The following PACRG variants were observed in gnomAD, a reference collection of about 807,000 sequenced individuals.
PACRG encodes the protein parkin coregulated gene protein.
In PACRG, 29 loss-of-function variants were observed where a neutral mutation model predicts 29.7. The ratio of observed to expected loss-of-function variants is 0.98; its 90% CI spans 0.73 to 1.33. The LOEUF (loss-of-function observed/expected upper bound fraction) is 1.33. PACRG is among the 40% of genes most tolerant of loss of function. The pLI, the probability that PACRG is intolerant of heterozygous loss-of-function variation, is 0.00. For missense variants in PACRG, 279 were observed against 316.2 expected (o/e 0.88, Z 0.89); for synonymous variants, 116 against 118.7 (o/e 0.98, Z 0.15).
chr6:163,005,082 T>G (rs546554459), intron 2 of PACRG, among the ~76,000 whole-genome samples: 25 of 152,202 alleles, frequency 1.6e-4, no homozygotes, highest in Admixed American at 1.1e-3. Flanking sequence ...TAAGCTGTAT[T>G]AATTGTCATA....
rs184544088 is a variant in PACRG at position 163,058,671 on chromosome 6, C to T, written c.292-3479C>T. On this transcript the variant is annotated intron_variant, in intron 2 of 4. Transcript: ENST00000366888. ...CAGCACTTTGGGAGGCCAAGGCGAG[C>T]GGATCATGAGGTCAGGAGATCGAGA... is the stretch of plus-strand genomic sequence containing the variant. 1.7e-3 allele frequency among the ~76,000 whole-genome samples: 264 copies of T among 152,106 alleles called. 2 individuals carry two copies. The highest frequency in any genetic ancestry group is 0.014 in the Admixed American group (208 of 15,266).
chr6:162,776,547 A>T (rs766281987), intron 1 of PACRG, among the ~76,000 whole-genome samples: 2 of 152,220 alleles, frequency 1.3e-5, no homozygotes, highest in East Asian at 3.9e-4. Flanking sequence ...GCACAAGCCA[A>T]CAGGGGATAG....
Position 163,095,440 on chromosome 6 carries a change from TA to T in PACRG, c.613+6033del, listed in dbSNP as rs1016163683. ...GAATCCAGCTCTGAAGGCTGTGTCT[TA>T]GCTTCCTGGAGCCACGTAACAAATT... On this transcript the variant is annotated intron_variant, in intron 4 of 4. Coordinates refer to ENST00000366888, the MANE Select transcript of PACRG (RefSeq NM_001080379.2). The T allele has an allele frequency of 9.1e-6, 9 of 984,248 alleles. No homozygotes were observed. The African/African-American group carries it at 1.6e-4, about 17-fold the overall frequency. The allele number at this position is 984,248 out of a possible 1,614,324, so 61.0% of individuals were successfully genotyped here.
intron 2 of PACRG, among the ~76,000 whole-genome samples, chr6:163,061,475 G>C (rs1811090271): frequency 1.3e-5 from 2 of 152,152 alleles, no homozygotes; most frequent in African/African-American, 4.8e-5. Flanking sequence ...TGGAGATGTG[G>C]GAAAGAGATT....
intron 2 of PACRG, among the ~76,000 whole-genome samples, chr6:162,875,116 C>T (rs1481790695): frequency 6.6e-6 from 1 of 152,122 alleles, no homozygotes; most frequent in Non-Finnish European, 1.5e-5. Context: ...CACACTCACA[C>T]ATACATAGTC....
At chr6:163,133,688 T>C (rs971006377) in intron 4 of PACRG, among the ~76,000 whole-genome samples, 7 of 152,316 alleles carry the variant, frequency 4.6e-5, no homozygotes, top group Admixed American at 1.3e-4. Context: ...CGGTGCAAAA[T>C]GGAAATGTGG....
At chr6:162,989,937 G>A (rs1803287381) in intron 2 of PACRG, among the ~76,000 whole-genome samples, 1 of 151,648 alleles carries the variant, frequency 6.6e-6, no homozygotes, top group African/African-American at 2.4e-5. Flanking sequence ...CCCTTCATGT[G>A]TCCATGTGAT....
intron 1 of PACRG, among the ~76,000 whole-genome samples, chr6:162,772,985 T>G (rs1236163335): frequency 6.6e-6 from 1 of 151,760 alleles, no homozygotes; most frequent in African/African-American, 2.4e-5. Context: ...TCAAGTATTA[T>G]AGAGACTATT....
At chr6:163,123,573 C>G (rs1816392181) in intron 4 of PACRG, among the ~76,000 whole-genome samples, 1 of 152,172 alleles carries the variant, frequency 6.6e-6, no homozygotes, top group African/African-American at 2.4e-5. Context: ...ATCGTTAACT[C>G]TAGGCACCGT....
chr6:163,151,404 C>G (rs1778086130), intron 4 of PACRG, among the ~76,000 whole-genome samples: 1 of 152,164 alleles, frequency 6.6e-6, no homozygotes, highest in Non-Finnish European at 1.5e-5. Context: ...ACACACTTCA[C>G]GATGTCTGCA....
Position 163,261,207 on chromosome 6 carries a change from C to T in PACRG, c.614-53620C>T, listed in dbSNP as rs192146593. ...CCTCTTCTGCCCTCAGCTTAGCTGC[C>T]TGTCATCATGCCAGGCAGGCACTGG... On this transcript the variant is annotated intron_variant, in intron 4 of 4. Transcript: ENST00000366888. 4.2e-3 allele frequency among the ~76,000 whole-genome samples: 636 copies of T among 152,228 alleles called. 2 individuals are homozygous for T. The highest frequency in any genetic ancestry group is 9.1e-3 in the South Asian group (44 of 4,826).
intron 2 of PACRG, among the ~76,000 whole-genome samples, chr6:162,826,979 T>C (rs903635064): frequency 6.6e-6 from 1 of 152,180 alleles, no homozygotes; most frequent in African/African-American, 2.4e-5. Flanking sequence ...AATTATAGCA[T>C]TGGATTGGAG....
intron 3 of PACRG, 142 bp downstream of exon 3, chr6:163,062,463 C>A: frequency 1.0e-6 from 1 of 963,554 alleles, no homozygotes; most frequent in Non-Finnish European, 1.5e-6. Flanking sequence ...GGAGGCCAGA[C>A]AACCCAAATC....
chr6:163,289,614 G>A (rs1366110043), intron 4 of PACRG, among the ~76,000 whole-genome samples: 2 of 152,154 alleles, frequency 1.3e-5, no homozygotes, highest in Non-Finnish European at 2.9e-5. Flanking sequence ...ACCAGTCCCA[G>A]CCATCACAGC....
chr6:162,796,751 C>T (rs575751512), intron 1 of PACRG, among the ~76,000 whole-genome samples: 3 of 151,298 alleles, frequency 2.0e-5, no homozygotes, highest in South Asian at 2.1e-4. Flanking sequence ...ATCTCTCTCT[C>T]GATTTGTGTT....
In PACRG at chr6:162,853,786, G is replaced by C. The variant is rs186685348; in HGVS notation, c.291+39505G>C. Among the ~76,000 whole-genome samples, 22 of 152,250 alleles carry C rather than the reference G, an allele frequency of 1.4e-4. No homozygotes were observed. In the East Asian group the frequency reaches 4.2e-3, roughly 29 times the overall value. On this transcript the variant is annotated intron_variant, in intron 2 of 4. Coordinates refer to ENST00000366888, the MANE Select transcript of PACRG (RefSeq NM_001080379.2). This position sits in a 1 kb window ranked among gnomAD's most constrained non-coding sequence, Gnocchi z 4.7. ...CATTTTTTAAAAAGCTATACTACCA[G>C]ATATGAAACCTTGGGCAAAGTACTT...
rs530270074 is a variant in PACRG, at chr6:163,230,193, T to C, written c.614-84634T>C. Among the ~76,000 whole-genome samples, 8 of 152,350 alleles carry C rather than the reference T, an allele frequency of 5.3e-5. No individual in the cohort carries two copies. In the South Asian group the frequency reaches 1.7e-3, roughly 32 times the overall value. On this transcript the variant is annotated intron_variant, in intron 4 of 4. Transcript: ENST00000366888. ...AAGAGCTTAGCAAATATGAATCTTC[T>C]TTACTACACAGCACTCCTTTAAGAT...
intron 4 of PACRG, among the ~76,000 whole-genome samples, chr6:163,188,043 T>C (rs1190891341): frequency 1.3e-5 from 2 of 152,206 alleles, no homozygotes; most frequent in African/African-American, 4.8e-5. Flanking sequence ...CCTTACAATA[T>C]TAGTTTTTAA....
chr6:162,743,472 G>C (rs1030672570), intron 1 of PACRG, among the ~76,000 whole-genome samples: 13 of 151,966 alleles, frequency 8.6e-5, no homozygotes, highest in Non-Finnish European at 1.3e-4. Flanking sequence ...TTACATTTTA[G>C]TATGACCAAT....
Sources: allele counts gnomAD v4.1 joint callset (sites outside exome capture counted in the v4.1 genomes callset), GRCh38; gene constraint gnomAD v4.1.1; non-coding constraint Gnocchi (gnomAD v3.1); transcripts MANE v1.5; gene names NCBI Gene and HGNC (gene_info 2026-07-23, HGNC 2026-07-21).